The following ICE1 variants were observed in gnomAD, a reference collection of about 807,000 sequenced individuals.
The protein encoded by ICE1 is little elongation complex subunit 1.
Under a neutral mutation model 192.7 loss-of-function variants are expected in ICE1, and 64 were observed. That is an observed-to-expected ratio of 0.33 (90% CI 0.27 to 0.41). The LOEUF is 0.41. Ranked by LOEUF, ICE1 falls within the 10% of genes least tolerant of loss-of-function variation. ICE1 has a pLI of 1.00. For synonymous variants in ICE1, 1,010 were observed against 984.5 expected (o/e 1.03, Z -0.49); for missense variants, 2,708 against 2,696.0 (o/e 1.00, Z -0.10).
At chr5:5,423,403 TTTG>T (rs1737393466) in intron 1 of ICE1, among the ~76,000 whole-genome samples, 1 of 150,486 alleles carries the variant, frequency 6.6e-6, no homozygotes, top group Non-Finnish European at 1.5e-5. Context: ...ATCCTGAGTA[TTTG>T]TTGTTTGGAG....
chr5:5,467,315 A>G (rs559368346), intron 14 of ICE1, among the ~76,000 whole-genome samples: 1 of 152,336 alleles, frequency 6.6e-6, no homozygotes, highest in South Asian at 2.1e-4. Flanking sequence ...GACAGGCCAT[A>G]GTCATATCAC....
chr5:5,465,628 A>G (rs1414183735), intron 13 of ICE1, among the ~76,000 whole-genome samples: 1 of 152,178 alleles, frequency 6.6e-6, no homozygotes, highest in Non-Finnish European at 1.5e-5. Flanking sequence ...GAGGGAAAAA[A>G]GGGATGGTTT....
chr5:5,426,391 G>A (rs1376199545), intron 1 of ICE1, among the ~76,000 whole-genome samples: 2 of 150,930 alleles, frequency 1.3e-5, no homozygotes, highest in African/African-American at 4.9e-5. Flanking sequence ...GTTGCAGTGA[G>A]CCGAGATGGT....
Position 5,462,767 on chromosome 5 carries a change from C to A in ICE1, c.3433C>A (p.Pro1145Thr). ...AGATGCTGCTGTAGCCGAGGTGAGA[C>A]CTTCCTTAGAGGTAGGTTATTTGAC... ...DTDAAVAEVR[P>T]SLEVGYLTSA... The change falls in exon 13 of 19, where the codon CCT becomes ACT. Residue 1145 changes from proline (P) to threonine (T), a missense_variant. Physicochemically the swap from Pro to Thr is conservative, Grantham distance 38. Transcript: ENST00000296564. The A allele has an allele frequency of 6.2e-7, 1 of 1,613,674 alleles. No homozygotes were observed. The highest frequency in any genetic ancestry group is 8.5e-7 in the Non-Finnish European group (1 of 1,179,772).
At chr5:5,485,747 C>G (rs1026449369) in intron 17 of ICE1, among the ~76,000 whole-genome samples, 2 of 152,158 alleles carry the variant, frequency 1.3e-5, no homozygotes, top group Admixed American at 6.5e-5. Flanking sequence ...CAACAATACC[C>G]AAAAATCACA....
chr5:5,477,647 A>G (rs1003430839), intron 17 of ICE1, among the ~76,000 whole-genome samples: 2 of 152,256 alleles, frequency 1.3e-5, no homozygotes, highest in Non-Finnish European at 2.9e-5. Context: ...TGAGGCCAGC[A>G]TCATCCTGAT....
chr5:5,443,811 A>G (rs1738121896), intron 6 of ICE1, among the ~76,000 whole-genome samples: 1 of 152,246 alleles, frequency 6.6e-6, no homozygotes, highest in African/African-American at 2.4e-5. Flanking sequence ...GTAATGAAGC[A>G]GTGACTCAGA....
Position 5,422,972 on chromosome 5 carries a change from A to C in ICE1, c.57A>C (p.Arg19=), listed in dbSNP as rs1376349090. The C allele has an allele frequency of 8.9e-6, 13 of 1,453,582 alleles. No homozygotes were observed. Among genetic ancestry groups the C allele is most frequent in the Non-Finnish European group, 1.2e-5 (13 of 1,105,300 alleles). The allele number at this position is 1,453,582 out of a possible 1,614,324, so 90.0% of individuals were successfully genotyped here. ...AAPGTAADLS[R]CQGCASLQQN... ...CCGGGACGGCGGCGGACCTGTCGCG[A>C]TGTCAGGGCTGCGCCTCTCTGCAGC... Residue 19 remains arginine, a synonymous_variant, in exon 1 of 19, where the codon CGA becomes CGC. Coordinates refer to ENST00000296564, the MANE Select transcript of ICE1 (RefSeq NM_015325.3).
Position 5,460,909 on chromosome 5 carries a change from T to C in ICE1, c.1575T>C (p.Pro525=). 2 of 1,614,020 alleles carry C rather than the reference T, an allele frequency of 1.2e-6. No individual in the cohort carries two copies. The highest frequency in any genetic ancestry group is 2.2e-5 in the South Asian group (2 of 91,088). The change falls in exon 13 of 19, where the codon CCT becomes CCC. Residue 525 remains proline, a synonymous_variant. Transcript: ENST00000296564. ...ASPAQEKEAA[P]GKSELCSSPL... ...CTGCACAAGAGAAGGAAGCTGCCCC[T>C]GGGAAGTCTGAGTTGTGTTCTTCTC...
At position 5,463,987 on chromosome 5, in the gene ICE1, AAAT is replaced by A; in HGVS notation, c.4656_4658del (p.Asn1552del). ...ACTCAAAACTAGAGCCATCTGGCAA[AAAT>A]AAGAATCGATCAAAGATTTCAAACA... is the stretch of plus-strand genomic sequence containing the variant. On this transcript the variant is annotated inframe_deletion, in exon 13 of 19. Transcript: ENST00000296564. The A allele has an allele frequency of 6.2e-7, 1 of 1,613,874 alleles. No homozygotes were observed. Among genetic ancestry groups the A allele is most frequent in the Non-Finnish European group, 8.5e-7 (1 of 1,179,852 alleles).
Position 5,464,019 on chromosome 5 carries a change from A to G in ICE1, c.4685A>G (p.Asp1562Gly). The G allele has an allele frequency of 6.2e-6, 10 of 1,613,716 alleles. No homozygotes were observed. The highest frequency in any genetic ancestry group is 8.5e-6 in the Non-Finnish European group (10 of 1,179,836). ...NKNRSKISNK[D>G]QSNKPVKTSA... The stretch of plus-strand genomic sequence containing the variant: ...AATCGATCAAAGATTTCAAACAAAG[A>G]TCAGTCAAACAAACCAGTAAAAACT... Residue 1562 changes from aspartate to glycine, a missense_variant, in exon 13 of 19, where the codon GAT becomes GGT. Around this residue, in one of 2 missense-constraint regions of ICE1, gnomAD observed 2,366 missense variants for 2,276.6 expected, o/e 1.04. Transcript: ENST00000296564. The surrounding 1 kb of genome is among the most constrained non-coding windows in gnomAD (Gnocchi z 4.0).
intron 7 of ICE1, among the ~76,000 whole-genome samples, chr5:5,446,522 C>A (rs1467535141): frequency 6.6e-6 from 1 of 151,934 alleles, no homozygotes; most frequent in Non-Finnish European, 1.5e-5. Flanking sequence ...AACTCCTGGG[C>A]TCAAGAAACC....
At chr5:5,473,359 T>TA (rs147280335) in intron 15 of ICE1, among the ~76,000 whole-genome samples, 199 bp from the exon 16 acceptor site, 60 of 152,358 alleles carry the variant, frequency 3.9e-4, no homozygotes, top group African/African-American at 1.4e-3. Context: ...TATTGCTTTT[T>TA]AATCTGGCTC....
Position 5,460,931 on chromosome 5 carries a change from TCTC to T in ICE1, c.1599_1601del (p.Pro534del). On this transcript the variant is annotated inframe_deletion, in exon 13 of 19. Coordinates refer to ENST00000296564, the MANE Select transcript of ICE1 (RefSeq NM_015325.3). ...CCCTGGGAAGTCTGAGTTGTGTTCT[TCTC>T]CCCTTGGCAAAAGGCCATTAAATGA... 6.2e-7 allele frequency: 1 copy of T among 1,613,944 alleles called. No individual in the cohort carries two copies. Among genetic ancestry groups the T allele is most frequent in the African/African-American group, 1.3e-5 (1 of 75,012 alleles).
intron 15 of ICE1, 97 bp downstream of exon 15, chr5:5,469,085 G>A (rs982978761): frequency 9.6e-6 from 8 of 837,580 alleles, no homozygotes; most frequent in Non-Finnish European, 1.2e-5. Flanking sequence ...TAGTTCATAG[G>A]CATTTTCTTC....
chr5:5,436,495 C>A lies in ICE1; in HGVS notation c.143+19C>A. ...ATACAGAGTAAGTATATTTGCATGTCGTTTGGCAGAACTTTGTAAACCTGA... is the reference window on the plus strand; with the variant it reads ...ATACAGAGTAAGTATATTTGCATGTAGTTTGGCAGAACTTTGTAAACCTGA... On this transcript the variant is annotated intron_variant, in intron 2 of 18. Transcript: ENST00000296564. The A allele has an allele frequency of 1.4e-6, 2 of 1,411,978 alleles. No homozygotes were observed. Among genetic ancestry groups the A allele is most frequent in the Non-Finnish European group, 9.4e-7 (1 of 1,059,296 alleles). The allele number at this position is 1,411,978 out of a possible 1,614,324, so 87.5% of individuals were successfully genotyped here. A position where few individuals can be genotyped will look rare whatever the true frequency, so the allele number is the denominator to read the frequency against.
rs142060357 is a variant in ICE1 at position 5,460,661 on chromosome 5, G to A, written c.1327G>A (p.Glu443Lys). 226 of 1,613,918 alleles carry A rather than the reference G, an allele frequency of 1.4e-4. 2 individuals are homozygous for A. The African/African-American group carries it at 2.2e-3, about 16-fold the overall frequency. Residue 443 changes from glutamate (E) to lysine (K), a missense_variant, in exon 13 of 19, where the codon GAG (glutamate) becomes AAG (lysine). Transcript: ENST00000296564. ...EVNKVTTSGL[E>K]TFTATLRESS... ...AAATAAAGTGACAACTTCTGGACTC[G>A]AGACTTTCACAGCAACACTGAGAGA...
intron 17 of ICE1, among the ~76,000 whole-genome samples, chr5:5,479,437 G>A (rs1044937426): frequency 6.6e-6 from 1 of 152,144 alleles, no homozygotes; most frequent in Non-Finnish European, 1.5e-5. Context: ...AAAAAGTCAG[G>A]AAACAACAGA....
chr5:5,442,895 A>G (rs1363024385), intron 5 of ICE1, among the ~76,000 whole-genome samples: 1 of 152,216 alleles, frequency 6.6e-6, no homozygotes, highest in Non-Finnish European at 1.5e-5. Flanking sequence ...AGGCAAAAAT[A>G]TTAGCTGTTT....
Sources: allele counts gnomAD v4.1 joint callset (sites outside exome capture counted in the v4.1 genomes callset), GRCh38; gene constraint gnomAD v4.1.1; regional missense constraint gnomAD v4.1.1; non-coding constraint Gnocchi (gnomAD v3.1); transcripts MANE v1.5; gene names NCBI Gene and HGNC (gene_info 2026-07-23, HGNC 2026-07-21).